The following PCDHA4 variants were observed in gnomAD, a reference collection of about 807,000 sequenced individuals.
The protein encoded by PCDHA4 is protocadherin alpha-4.
A neutral mutation model predicts 61.4 loss-of-function variants in PCDHA4; 49 were observed. That is an observed-to-expected ratio of 0.80 (90% confidence interval 0.63 to 1.01). The LOEUF (loss-of-function observed/expected upper bound fraction) is 1.01, where lower values mean the gene tolerates loss of function less well. Among genes scored for constraint, PCDHA4 ranks in the 50% least tolerant of loss-of-function variants. The pLI, the probability that PCDHA4 is intolerant of heterozygous loss-of-function variation, is 0.00. For synonymous variants in PCDHA4, 590 were observed against 550.3 expected, an observed-to-expected ratio of 1.07 and a Z score of -1.01; for missense variants, 1,254 against 1,235.8, an observed-to-expected ratio of 1.01 and a Z score of -0.22.
At chr5:140,828,743 G>A (rs1159793730) in intron 1 of PCDHA4, 3 of 1,614,118 alleles carry the variant, frequency 1.9e-6, no homozygotes, top group African/African-American at 2.7e-5. Flanking sequence ...CACAGATGGG[G>A]GCAAACCTGA....
intron 1 of PCDHA4, chr5:140,847,877 C>T (rs1305831915): frequency 6.7e-6 from 1 of 149,752 alleles, no homozygotes; most frequent in African/African-American, 2.4e-5. Flanking sequence ...CCAGACATGA[C>T]TAAGTTTCTT....
intron 1 of PCDHA4, among the ~76,000 whole-genome samples, chr5:140,878,476 A>G (rs1037108551): frequency 6.6e-6 from 1 of 152,204 alleles, no homozygotes; most frequent in Admixed American, 6.5e-5. Flanking sequence ...TCATTTCTCA[A>G]TTTAAAAATA....
In PCDHA4 at chr5:140,917,330, A is replaced by T. The variant is rs155802; in HGVS notation, c.2386-61619A>T. On this transcript the variant is annotated intron_variant, in intron 1 of 3. Coordinates refer to ENST00000530339, the MANE Select transcript of PCDHA4 (RefSeq NM_018907.4). The stretch of plus-strand genomic sequence containing the variant: ...CAATTTGGTGTTCATGTGGCGGGGG[A>T]GGGGGGGGATGGTGTAGGCTTCTGT... Among the ~76,000 whole-genome samples, 56 of 103,230 alleles carry T rather than the reference A, an allele frequency of 5.4e-4. 2 individuals are homozygous for T. In the South Asian group the frequency reaches 0.01, roughly 19 times the overall value. The allele number at this position is 103,230 out of a possible 152,430, so 67.7% of individuals were successfully genotyped here.
chr5:140,875,668 G>A lies in PCDHA4; in HGVS notation c.2385+66096G>A, dbSNP rs1554167843. On this transcript the variant is annotated intron_variant, in intron 1 of 3. Transcript: ENST00000530339. ...GGAGCTGGTGCCGCGCCTGTTCCGG[G>A]TGGCGTCCAAAAGACACGGGGACCT... 4.3e-6 allele frequency: 7 copies of A among 1,613,726 alleles called. No homozygotes were observed. The highest frequency in any genetic ancestry group is 3.3e-5 in the South Asian group (3 of 91,074).
chr5:140,828,893 G>C (rs2150160291), intron 1 of PCDHA4: 2 of 1,614,238 alleles, frequency 1.2e-6, no homozygotes, highest in Non-Finnish European at 1.7e-6. Flanking sequence ...GAATGCTTCT[G>C]ATCGGGATGA....
chr5:140,884,709 C>T (rs2060331114), intron 1 of PCDHA4: 1 of 1,477,632 alleles, frequency 6.8e-7, no homozygotes. Context: ...CTTTAGCCTT[C>T]CTTGCAGTTG....
chr5:140,954,290 G>T (rs2095014659), intron 1 of PCDHA4, among the ~76,000 whole-genome samples: 1 of 152,126 alleles, frequency 6.6e-6, no homozygotes, highest in Non-Finnish European at 1.5e-5. Flanking sequence ...ATTCCTTTGG[G>T]TACATACCCA....
chr5:140,848,909 G>A lies in PCDHA4; in HGVS notation c.2385+39337G>A, dbSNP rs2150424301. On this transcript the variant is annotated intron_variant, in intron 1 of 3. Coordinates refer to ENST00000530339, the MANE Select transcript of PCDHA4 (RefSeq NM_018907.4). ...CTCCAGTGTTCCCAGCGACACAAAA[G>A]AATCTGTTCATCGCGGAATCCAGGC... 5 of 1,608,122 alleles carry A rather than the reference G, an allele frequency of 3.1e-6. No homozygotes were observed. In the African/African-American group the frequency reaches 4.1e-5, roughly 13 times the overall value.
chr5:140,830,233 G>C, intron 1 of PCDHA4: 1 of 1,613,906 alleles, frequency 6.2e-7, no homozygotes, highest in Non-Finnish European at 8.5e-7. Flanking sequence ...TGGTCCTCAC[G>C]CTACTGCTGT....
At chr5:140,923,528 CA>C (rs1240707958) in intron 1 of PCDHA4, among the ~76,000 whole-genome samples, 1 of 151,622 alleles carries the variant, frequency 6.6e-6, no homozygotes, top group Non-Finnish European at 1.5e-5. Context: ...GATTCTGTCC[CA>C]AAAAAAGGAC....
Position 140,808,974 on chromosome 5 carries a change from C to T in PCDHA4, c.1787C>T (p.Ala596Val), listed in dbSNP as rs781991192. ...GVGHVVAKVR[A>V]VDADSGYNAW... ...GGCCACGTGGTGGCAAAGGTGCGCG[C>T]GGTGGATGCTGACTCGGGCTACAAC... Residue 596 changes from alanine (A) to valine (V), a missense_variant, in exon 1 of 4, where the codon GCG becomes GTG. Physicochemically the swap from Ala to Val is moderately conservative, Grantham distance 64 (BLOSUM62 0). Coordinates refer to ENST00000530339, the MANE Select transcript of PCDHA4 (RefSeq NM_018907.4). 49 of 1,613,504 alleles carry T rather than the reference C, an allele frequency of 3.0e-5. No homozygotes were observed. The Middle Eastern group carries it at 8.2e-4, about 27-fold the overall frequency.
chr5:140,853,604 G>C lies in PCDHA4; in HGVS notation c.2385+44032G>C, dbSNP rs557129583. On this transcript the variant is annotated intron_variant, in intron 1 of 3. Transcript: ENST00000530339. ...ATCTTAGACACTTTGAGAGCAAAGG[G>C]GGTGCTGTAAATAAGTATACAAGAT... The C allele has an allele frequency of 2.2e-5, 22 of 987,378 alleles. 2 individuals are homozygous for C. In the African/African-American group the frequency reaches 2.3e-4, roughly 10 times the overall value. 61.2% of individuals were successfully genotyped at this position (987,378 alleles called of 1,614,324 possible). A position where few individuals can be genotyped will look rare whatever the true frequency, so the allele number is the denominator to read the frequency against.
At position 140,845,398 on chromosome 5, in the gene PCDHA4, G is replaced by A. The variant is rs1272388366; in HGVS notation, c.2385+35826G>A. Among the ~76,000 whole-genome samples the A allele has an allele frequency of 2.0e-5, 3 of 149,302 alleles. 1 individual carries two copies. The highest frequency in any genetic ancestry group is 4.5e-5 in the Non-Finnish European group (3 of 66,780). ...ATAGGAGGATTCTTTCCACCACCTA[G>A]CATTGTATTTGGCAATTTATCATTT... On this transcript the variant is annotated intron_variant, in intron 1 of 3. Coordinates refer to ENST00000530339, the MANE Select transcript of PCDHA4 (RefSeq NM_018907.4).
At chr5:140,849,456 G>C in intron 1 of PCDHA4, 2 of 1,587,320 alleles carry the variant, frequency 1.3e-6, no homozygotes, top group Non-Finnish European at 1.7e-6. Context: ...GATCCCAGTC[G>C]AGGCTGTCGA....
At chr5:140,853,891 G>T in intron 1 of PCDHA4, 1 of 976,002 alleles carries the variant, frequency 1.0e-6, no homozygotes. Flanking sequence ...AATTTAAAAA[G>T]ATGTGGTGGC....
intron 1 of PCDHA4, among the ~76,000 whole-genome samples, chr5:140,888,729 T>G (rs1214867910): frequency 6.6e-6 from 1 of 152,156 alleles, no homozygotes; most frequent in Admixed American, 6.5e-5. Context: ...CAGCCCTTTG[T>G]GAGCTCTAGG....
chr5:140,822,052 G>A, intron 1 of PCDHA4: 1 of 1,614,246 alleles, frequency 6.2e-7, no homozygotes, highest in Non-Finnish European at 8.5e-7. Context: ...CGACCGGGAG[G>A]AGCTGTGCCG....
intron 1 of PCDHA4, among the ~76,000 whole-genome samples, chr5:140,940,084 A>G (rs1320170233): frequency 1.3e-5 from 2 of 152,202 alleles, no homozygotes; most frequent in East Asian, 3.8e-4. Context: ...TCTTTCTGCT[A>G]AATTGAAACT....
rs2150160897 is a variant in PCDHA4, at chr5:140,828,930, CT to C, written c.2385+19362del. ...GGAGCGAATGGGGCAATTTCATATT[CT>C]TTTAATAGCCTTGTTGCAGCCATGG... On this transcript the variant is annotated intron_variant, in intron 1 of 3. Coordinates refer to ENST00000530339, the MANE Select transcript of PCDHA4 (RefSeq NM_018907.4). The C allele has an allele frequency of 5.6e-6, 9 of 1,614,116 alleles. No individual in the cohort carries two copies. In the South Asian group the frequency reaches 8.8e-5, roughly 16 times the overall value.
Sources: allele counts gnomAD v4.1 joint callset (sites outside exome capture counted in the v4.1 genomes callset), GRCh38; gene constraint gnomAD v4.1.1; transcripts MANE v1.5; gene names NCBI Gene and HGNC (gene_info 2026-07-23, HGNC 2026-07-21).